ADGRG5: variants seen among roughly 807,000 people sequenced by gnomAD.
ADGRG5 encodes the protein adhesion G protein-coupled receptor G5, also known as G protein-coupled receptor 114.
ADGRG5 carries 37 observed loss-of-function variants against 53.2 expected under a neutral mutation model. That is an observed-to-expected ratio of 0.70 (90% confidence interval 0.53 to 0.91). The LOEUF is 0.91. ADGRG5 is among the 40% of genes least tolerant of loss of function. ADGRG5 has a pLI of 0.00. For synonymous variants in ADGRG5, 277 were observed against 290.4 expected (o/e 0.95, Z 0.47); for missense variants, 614 against 675.8 (o/e 0.91, Z 1.01).
chr16:57,567,376 C>T, intron 7 of ADGRG5, 94 bp from the exon 8 acceptor site: 1 of 1,421,346 alleles, frequency 7.0e-7, no homozygotes, highest in Non-Finnish European at 9.6e-7. Flanking sequence ...GGGAAGGGGA[C>T]TTGGAGAGGA....
chr16:57,570,315 T>C (rs1299745236), intron 9 of ADGRG5, 103 bp from the exon 10 acceptor site: 2 of 691,094 alleles, frequency 2.9e-6, no homozygotes, highest in African/African-American at 3.5e-5. Flanking sequence ...CTCTCAGTTG[T>C]CCCTTGACCA....
chr16:57,565,063 C>T lies in ADGRG5; in HGVS notation c.459C>T (p.Asn153=). ...KDENNSSLLN[N]YVLGAQLSHG... ...AAAACAACTCATCTCTGCTGAATAA[C>T]TACGTCCTGGGGGCCCAGCTGAGTC... Residue 153 remains asparagine (N), a synonymous_variant, in exon 6 of 12, where the codon AAC becomes AAT. Coordinates refer to ENST00000349457, the MANE Select transcript of ADGRG5 (RefSeq NM_001304376.3). The T allele has an allele frequency of 6.2e-7, 1 of 1,613,762 alleles. No homozygotes were observed. The highest frequency in any genetic ancestry group is 8.5e-7 in the Non-Finnish European group (1 of 1,179,654).
the ADGRG5 span, among the ~76,000 whole-genome samples, chr16:57,530,045 A>G: frequency 6.6e-6 from 1 of 152,346 alleles, no homozygotes; most frequent in Non-Finnish European, 1.5e-5. Flanking sequence ...CTATGAGTAC[A>G]AATTCAAACT....
chr16:57,563,301 C>G, intron 4 of ADGRG5, 54 bp downstream of exon 4: 3 of 1,526,784 alleles, frequency 2.0e-6, no homozygotes, highest in Non-Finnish European at 2.7e-6. Context: ...TAGAAGTCCT[C>G]CAGGCATTTA....
At chr16:57,561,862 C>T (rs1399687896) in intron 1 of ADGRG5, among the ~76,000 whole-genome samples, 194 bp from the exon 2 acceptor site, 1 of 151,672 alleles carries the variant, frequency 6.6e-6, no homozygotes, top group African/African-American at 2.4e-5. Flanking sequence ...ATTCTGGAGT[C>T]TTAGAGACCT....
intron 4 of ADGRG5, 66 bp downstream of exon 4, chr16:57,563,313 G>C (rs1298080154): frequency 1.4e-6 from 2 of 1,415,158 alleles, no homozygotes; most frequent in East Asian, 2.3e-5. Flanking sequence ...AGGCATTTAA[G>C]GTCTGGACTT....
At chr16:57,564,892 G>A in intron 5 of ADGRG5, 142 bp from the exon 6 acceptor site, 1 of 620,898 alleles carries the variant, frequency 1.6e-6, no homozygotes, top group Non-Finnish European at 2.9e-6. Flanking sequence ...GGAAGGCTGG[G>A]AGGCTGGGAG....
chr16:57,547,755 G>A (rs1411420528), intron 1 of ADGRG5, among the ~76,000 whole-genome samples: 7 of 151,082 alleles, frequency 4.6e-5, no homozygotes, highest in Non-Finnish European at 1.0e-4. Context: ...CCTGTTTTTT[G>A]TTTTTTGTTT....
chr16:57,565,245 C>A, intron 6 of ADGRG5, 95 bp downstream of exon 6: 2 of 685,342 alleles, frequency 2.9e-6, no homozygotes, highest in Non-Finnish European at 5.1e-6. Context: ...CCTGTGGAAC[C>A]ATCTTGGAAA....
intron 1 of ADGRG5, among the ~76,000 whole-genome samples, chr16:57,561,680 G>A (rs773822993): frequency 4.8e-4 from 73 of 152,300 alleles, no homozygotes; most frequent in Non-Finnish European, 8.2e-4. Flanking sequence ...ACCCAAAGCC[G>A]CACGATGAGT....
chr16:57,545,218 A>T (rs1314934011), intron 1 of ADGRG5, among the ~76,000 whole-genome samples: 1 of 152,246 alleles, frequency 6.6e-6, no homozygotes, highest in Non-Finnish European at 1.5e-5. Flanking sequence ...ATTAAAAATA[A>T]ACATATATAT....
At chr16:57,560,945 T>C (rs1384045176) in intron 1 of ADGRG5, among the ~76,000 whole-genome samples, 1 of 152,016 alleles carries the variant, frequency 6.6e-6, no homozygotes, top group Non-Finnish European at 1.5e-5. Context: ...CCCAGCTAAT[T>C]TTTGTTTTCT....
intron 10 of ADGRG5, among the ~76,000 whole-genome samples, chr16:57,571,751 G>A (rs1182821216): frequency 6.6e-6 from 1 of 150,942 alleles, no homozygotes; most frequent in African/African-American, 2.4e-5. Flanking sequence ...TGCCTCCTGG[G>A]TTCAAGCGAT....
intron 10 of ADGRG5, among the ~76,000 whole-genome samples, chr16:57,570,789 C>T (rs1452774296): frequency 6.6e-6 from 1 of 152,204 alleles, no homozygotes; most frequent in Non-Finnish European, 1.5e-5. Context: ...CCTGCCAGGG[C>T]AGCCGGGCCT....
At chr16:57,538,858 A>G (rs1198551963), upstream of ADGRG5, among the ~76,000 whole-genome samples, 3 of 152,236 alleles carry the variant, frequency 2.0e-5, no homozygotes, top group Non-Finnish European at 2.9e-5. Context: ...TGTAGGACCT[A>G]CTTGTATCTT....
upstream of ADGRG5, among the ~76,000 whole-genome samples, chr16:57,541,493 C>T (rs1388799937): frequency 1.3e-5 from 2 of 152,190 alleles, no homozygotes; most frequent in Admixed American, 6.5e-5. Flanking sequence ...AAACCTTCAC[C>T]GTGCAGCTGG....
chr16:57,553,225 G>T (rs1489398338), intron 1 of ADGRG5, among the ~76,000 whole-genome samples: 3 of 152,178 alleles, frequency 2.0e-5, no homozygotes, highest in East Asian at 1.9e-4. Flanking sequence ...TTGATGCAGG[G>T]TTGCTGCAAT....
intron 1 of ADGRG5, among the ~76,000 whole-genome samples, chr16:57,544,654 G>T (rs921964927): frequency 6.6e-6 from 1 of 152,154 alleles, no homozygotes; most frequent in African/African-American, 2.4e-5. Flanking sequence ...ATAGTGAAGG[G>T]GTGGACAAAT....
intron 10 of ADGRG5, among the ~76,000 whole-genome samples, chr16:57,572,807 A>G (rs1178449079): frequency 1.3e-5 from 2 of 152,256 alleles, no homozygotes; most frequent in African/African-American, 4.8e-5. Context: ...CTAGCGGTGA[A>G]AGTGAGTGGT....
Sources: gnomAD v4.1 joint callset for allele counts (sites outside exome capture counted in the v4.1 genomes callset) on GRCh38, gnomAD v4.1.1 for gene constraint, MANE v1.5 for transcripts, NCBI Gene and HGNC (gene_info 2026-07-23, HGNC 2026-07-21) for gene names.